NKAIN2: variants seen among roughly 807,000 people sequenced by gnomAD.
NKAIN2 encodes sodium/potassium transporting ATPase interacting 2.
NKAIN2 carries 14 observed loss-of-function variants against 32.6 expected under a neutral mutation model. The ratio of observed to expected loss-of-function variants is 0.43; its 90% CI spans 0.28 to 0.67. The LOEUF is 0.67. Ranked by LOEUF, NKAIN2 falls within the 30% of genes least tolerant of loss-of-function variation. NKAIN2 has a pLI of 0.17. For missense variants in NKAIN2, 198 were observed against 258.3 expected, an observed-to-expected ratio of 0.77 and a Z score of 1.60; for synonymous variants, 80 against 87.2, an observed-to-expected ratio of 0.92 and a Z score of 0.46.
chr6:123,912,294 G>A (rs1046531661), intron 1 of NKAIN2, among the ~76,000 whole-genome samples: 5 of 151,562 alleles, frequency 3.3e-5, no homozygotes, highest in Non-Finnish European at 7.4e-5. Context: ...GATAATTTAT[G>A]TATTTTATAA....
intron 4 of NKAIN2, among the ~76,000 whole-genome samples, chr6:124,667,073 A>G (rs1020063281): frequency 7.2e-5 from 11 of 152,190 alleles, no homozygotes; most frequent in South Asian, 2.1e-4. Context: ...TGTGATTCTT[A>G]AAGCTAGTGT....
intron 1 of NKAIN2, among the ~76,000 whole-genome samples, chr6:123,818,390 CA>C: frequency 6.8e-6 from 1 of 148,082 alleles, no homozygotes; most frequent in Non-Finnish European, 1.5e-5. Context: ...CACACACACA[CA>C]CACACACACA....
At chr6:124,795,951 GT>G (rs538793013) in intron 5 of NKAIN2, among the ~76,000 whole-genome samples, 1 of 152,062 alleles carries the variant, frequency 6.6e-6, no homozygotes, top group Admixed American at 6.6e-5. Flanking sequence ...AAGGGTTTCT[GT>G]TTTTTTCCAT....
chr6:124,245,027 T>C (rs1168430416), intron 1 of NKAIN2, among the ~76,000 whole-genome samples: 1 of 152,174 alleles, frequency 6.6e-6, no homozygotes, highest in African/African-American at 2.4e-5. Context: ...TATAGTTTAA[T>C]TGAAGTTCTG....
chr6:124,157,058 G>A (rs112259447), intron 1 of NKAIN2, among the ~76,000 whole-genome samples: 21 of 132,614 alleles, frequency 1.6e-4, no homozygotes, highest in Admixed American at 1.3e-3. Context: ...AGCCGAGATC[G>A]AGCCACTGCA....
chr6:123,897,777 C>T (rs536469991), intron 1 of NKAIN2, among the ~76,000 whole-genome samples: 3 of 152,180 alleles, frequency 2.0e-5, no homozygotes, highest in East Asian at 1.9e-4. Context: ...GAATGAATGC[C>T]GAGTTATGGC....
chr6:124,028,214 C>G (rs986710203), intron 1 of NKAIN2, among the ~76,000 whole-genome samples: 18 of 152,180 alleles, frequency 1.2e-4, no homozygotes, highest in African/African-American at 4.3e-4. Context: ...GCTTTAAATC[C>G]TATTCTCTGA....
chr6:123,984,339 T>C (rs994502985), intron 1 of NKAIN2, among the ~76,000 whole-genome samples: 1 of 152,164 alleles, frequency 6.6e-6, no homozygotes, highest in African/African-American at 2.4e-5. Context: ...TGCATATACT[T>C]TTATGGATAT....
chr6:124,132,734 T>C (rs1786540599), intron 1 of NKAIN2, among the ~76,000 whole-genome samples: 1 of 152,090 alleles, frequency 6.6e-6, no homozygotes, highest in African/African-American at 2.4e-5. Flanking sequence ...CCAGGGCAGG[T>C]GTTAATATCC....
At chr6:123,887,351 A>G (rs1434802172) in intron 1 of NKAIN2, among the ~76,000 whole-genome samples, 1 of 152,088 alleles carries the variant, frequency 6.6e-6, no homozygotes, top group African/African-American at 2.4e-5. Flanking sequence ...TCCAGCTTTC[A>G]CTTTATTGCG....
At chr6:124,377,085 A>G (rs957304790) in intron 3 of NKAIN2, among the ~76,000 whole-genome samples, 31 of 152,202 alleles carry the variant, frequency 2.0e-4, no homozygotes, top group African/African-American at 7.0e-4. Context: ...TGCTTTAGCA[A>G]AGACTTTAAT....
chr6:124,700,431 G>A (rs1433667990), intron 4 of NKAIN2, among the ~76,000 whole-genome samples: 1 of 152,132 alleles, frequency 6.6e-6, no homozygotes, highest in Non-Finnish European at 1.5e-5. Flanking sequence ...CATAACAACT[G>A]AGAAGTTTAT....
At chr6:124,700,871 GACACACACACACAC>G (rs143125409) in intron 4 of NKAIN2, among the ~76,000 whole-genome samples, 5 of 145,474 alleles carry the variant, frequency 3.4e-5, no homozygotes, top group African/African-American at 1.3e-4. Flanking sequence ...TCTCTTTCCT[GACACACACACACAC>G]ACACACACAC....
chr6:124,015,806 A>G (rs12203197), intron 1 of NKAIN2, among the ~76,000 whole-genome samples: 10,166 of 152,148 alleles, frequency 0.067, 483 homozygotes, highest in Non-Finnish European at 0.094. Flanking sequence ...CTCTCCTCCT[A>G]AGAAAGTACA....
At chr6:123,913,361 T>C (rs1040277129) in intron 1 of NKAIN2, among the ~76,000 whole-genome samples, 1 of 152,206 alleles carries the variant, frequency 6.6e-6, no homozygotes, top group Non-Finnish European at 1.5e-5. Context: ...AAGCAAGTAA[T>C]GCTCACCTTC....
chr6:124,476,310 T>A (rs898772413), intron 3 of NKAIN2, among the ~76,000 whole-genome samples: 3 of 151,610 alleles, frequency 2.0e-5, no homozygotes, highest in Non-Finnish European at 4.4e-5. Flanking sequence ...GGCATTTGAA[T>A]CTCATTCAGA....
intron 1 of NKAIN2, among the ~76,000 whole-genome samples, chr6:124,135,955 T>A (rs1362040564): frequency 6.6e-6 from 1 of 151,318 alleles, no homozygotes; most frequent in African/African-American, 2.4e-5. Context: ...GACAACCTAA[T>A]GTCACACCTC....
intron 1 of NKAIN2, chr6:124,121,913 T>A: frequency 8.0e-7 from 1 of 1,243,760 alleles, no homozygotes; most frequent in Non-Finnish European, 1.1e-6. Context: ...AGGTTTCTCT[T>A]ATTATATTGT....
At chr6:124,041,775 A>G (rs1781884820) in intron 1 of NKAIN2, among the ~76,000 whole-genome samples, 1 of 152,130 alleles carries the variant, frequency 6.6e-6, no homozygotes, top group Non-Finnish European at 1.5e-5. Flanking sequence ...GTAAATTGGA[A>G]TGAATACAAA....
Sources: gnomAD v4.1 joint callset for allele counts (sites outside exome capture counted in the v4.1 genomes callset) on GRCh38, gnomAD v4.1.1 for gene constraint, MANE v1.5 for transcripts, NCBI Gene and HGNC (gene_info 2026-07-23, HGNC 2026-07-21) for gene names.